Variants in NT5DC4 observed in about 807,000 individuals in gnomAD.
NT5DC4 encodes 5'-nucleotidase domain-containing protein 4.
Under a neutral mutation model 26.6 loss-of-function variants are expected in NT5DC4, and 44 were observed. The ratio of observed to expected loss-of-function variants is 1.65; its 90% CI spans 1.30 to 2.13. NT5DC4 has a LOEUF of 2.13. NT5DC4 is among the 30% of genes most tolerant of loss of function. The pLI is 0.00. For synonymous variants in NT5DC4, 157 were observed against 86.7 expected (o/e 1.81, Z -4.51); for missense variants, 399 against 228.1 (o/e 1.75, Z -4.83).
chr2:112,726,536 G>C (rs774057662), intron 14 of NT5DC4, 142 bp from the exon 15 acceptor site: 4 of 683,914 alleles, frequency 5.8e-6, no homozygotes, highest in Non-Finnish European at 1.1e-5. Context: ...GCCCTCGCAC[G>C]CATGCACACA....
chr2:112,721,536 C>T (rs1420060771), intron 1 of NT5DC4: 2 of 717,798 alleles, frequency 2.8e-6, no homozygotes, highest in African/African-American at 3.5e-5. Context: ...ATGCCTATAA[C>T]ATGCCTGCAT....
rs1477853924 is a variant in NT5DC4, at chr2:112,724,822, G to C, written c.831G>C (p.Leu277=). 2.8e-6 allele frequency: 2 copies of C among 717,234 alleles called. No individual in the cohort carries two copies. The highest frequency in any genetic ancestry group is 4.0e-5 in the Admixed American group (2 of 50,020). The allele number at this position is 717,234 out of a possible 1,614,324, so 44.4% of individuals were successfully genotyped here. A position where few individuals can be genotyped will look rare whatever the true frequency, so the allele number is the denominator to read the frequency against. ...SGRPWRSYFD[L]IVVDTQKPHF... ...GGCCCTGGAGGTCCTACTTTGACCT[G>C]ATCGTGGTGGACACGCAGAAGCCCC... Residue 277 remains leucine, a synonymous_variant, in exon 11 of 17, where the codon CTG becomes CTC. Coordinates refer to ENST00000688554, the MANE Select transcript of NT5DC4 (RefSeq NM_001393655.1).
chr2:112,719,481 CTTTTTTTT>C (rs57789268), upstream of NT5DC4, among the ~76,000 whole-genome samples: 4 of 101,292 alleles, frequency 3.9e-5, no homozygotes, highest in East Asian at 3.4e-4. Flanking sequence ...ACTTGTCTGT[CTTTTTTTT>C]TTTTTTTTTT....
chr2:112,738,721 T>C (rs1474282110), intron 16 of NT5DC4, 192 bp from the exon 17 acceptor site: 1 of 733,802 alleles, frequency 1.4e-6, no homozygotes, highest in Non-Finnish European at 2.3e-6. Flanking sequence ...GTCCATAATC[T>C]GCATCCATGA....
At position 112,726,287 on chromosome 2, in the gene NT5DC4, C is replaced by A. The variant is rs1281222600; in HGVS notation, c.1203C>A (p.Tyr401Ter). The change falls in exon 14 of 17, where the codon TAC (tyrosine) becomes TAA (stop). Residue 401 changes from tyrosine to a stop codon, truncating the protein, a stop_gained and splice_region_variant. Coordinates refer to ENST00000688554, the MANE Select transcript of NT5DC4 (RefSeq NM_001393655.1). LOFTEE classifies it high-confidence loss of function. ...KRLDTHLADI[Y>*]QHMDGSSCEL... ...TGGACACGCACCTGGCAGACATATA[C>A]CAGTGAGACCCTGGCCTTTCTGGGG... 3 of 717,160 alleles carry A rather than the reference C, an allele frequency of 4.2e-6. No individual in the cohort carries two copies. The highest frequency in any genetic ancestry group is 2.0e-5 in the Admixed American group (1 of 49,990). 44.4% of individuals were successfully genotyped at this position (717,160 alleles called of 1,614,324 possible).
downstream of NT5DC4, chr2:112,740,859 ATGCTGTTC>A: frequency 6.2e-7 from 1 of 1,613,776 alleles, no homozygotes; most frequent in Non-Finnish European, 8.5e-7. Context: ...CAGGATAATT[ATGCTGTTC>A]TGCCTTGGCT....
chr2:112,731,787 A>G (rs1678514174), intron 16 of NT5DC4: 1 of 152,212 alleles, frequency 6.6e-6, no homozygotes, highest in African/African-American at 2.4e-5. Context: ...TTGAAATGAC[A>G]AAGTAAACCC....
At chr2:112,722,306 G>A in intron 4 of NT5DC4, 28 bp downstream of exon 4, 1 of 716,828 alleles carries the variant, frequency 1.4e-6, no homozygotes, top group Non-Finnish European at 2.6e-6. Context: ...CGGGAGAGTG[G>A]CAGGCCAGGA....
downstream of NT5DC4, among the ~76,000 whole-genome samples, chr2:112,742,218 C>A (rs1680021126): frequency 6.6e-6 from 1 of 152,154 alleles, no homozygotes; most frequent in South Asian, 2.1e-4. Context: ...ATTATAATGT[C>A]ACTCGTGTTT....
At chr2:112,727,314 A>G (rs1677867646) in intron 15 of NT5DC4, 2 of 166,740 alleles carry the variant, frequency 1.2e-5, no homozygotes, top group Non-Finnish European at 2.6e-5. Flanking sequence ...TGGAGCAGGG[A>G]TTGTCACCTT....
chr2:112,742,761 T>A, downstream of NT5DC4: 1 of 1,608,082 alleles, frequency 6.2e-7, no homozygotes, highest in Non-Finnish European at 8.5e-7. Flanking sequence ...TCCGCAACTC[T>A]TGTATTGGCT....
downstream of NT5DC4, chr2:112,741,005 T>C (rs1679908256): frequency 1.9e-6 from 3 of 1,602,652 alleles, no homozygotes; most frequent in Non-Finnish European, 2.6e-6. Context: ...TCAGAAGTAA[T>C]CCCTGTGTAT....
At chr2:112,740,034 C>T (rs1558751661), downstream of NT5DC4, among the ~76,000 whole-genome samples, 1 of 152,100 alleles carries the variant, frequency 6.6e-6, no homozygotes, top group Non-Finnish European at 1.5e-5. Context: ...GGCAGACTTG[C>T]CTGCTAGTTT....
At chr2:112,723,856 A>G (rs1021430902) in intron 9 of NT5DC4, 54 bp downstream of exon 9, 82 of 712,886 alleles carry the variant, frequency 1.2e-4, no homozygotes, top group Non-Finnish European at 2.0e-4. Flanking sequence ...GCCCCAGGGG[A>G]CACAGTGGCA....
At chr2:112,720,806 T>G (rs777693498), upstream of NT5DC4, among the ~76,000 whole-genome samples, 1 of 152,200 alleles carries the variant, frequency 6.6e-6, no homozygotes, top group Non-Finnish European at 1.5e-5. Context: ...GGTCCATGGA[T>G]GCATAAGCCC....
chr2:112,723,259 G>C (rs1293168635), intron 7 of NT5DC4, 85 bp downstream of exon 7: 3 of 714,592 alleles, frequency 4.2e-6, no homozygotes, highest in Admixed American at 2.0e-5. Context: ...AGTCCCCATA[G>C]CGTTTCCATC....
intron 10 of NT5DC4, 144 bp from the exon 11 acceptor site, chr2:112,724,637 C>T: frequency 1.6e-6 from 1 of 619,512 alleles, no homozygotes; most frequent in Non-Finnish European, 2.9e-6. Flanking sequence ...GGAAGCTGGG[C>T]AGCGAGACCG....
chr2:112,726,433 C>A, intron 14 of NT5DC4, 144 bp downstream of exon 14: 1 of 671,100 alleles, frequency 1.5e-6, no homozygotes, highest in Non-Finnish European at 2.8e-6. Context: ...CCCTAGCAAA[C>A]TGAATGTGGG....
intron 15 of NT5DC4, chr2:112,727,109 G>A: frequency 3.7e-6 from 1 of 266,862 alleles, no homozygotes; most frequent in Non-Finnish European, 7.5e-6. Flanking sequence ...TTGGAAAAGA[G>A]AAGAAAAGAC....
Sources: gnomAD v4.1 joint callset for allele counts (sites outside exome capture counted in the v4.1 genomes callset) on GRCh38, gnomAD v4.1.1 for gene constraint, MANE v1.5 for transcripts, NCBI Gene and HGNC (gene_info 2026-07-23, HGNC 2026-07-21) for gene names.